The following SLC8A1 variants were observed in gnomAD, a reference collection of about 807,000 sequenced individuals.
The protein encoded by SLC8A1 is solute carrier family 8 member A1.
SLC8A1 carries 18 observed loss-of-function variants against 68.3 expected under a neutral mutation model. The ratio of observed to expected loss-of-function variants is 0.26; its 90% CI spans 0.18 to 0.39. SLC8A1 has a LOEUF of 0.39. Among genes scored for constraint, SLC8A1 ranks in the 10% least tolerant of loss-of-function variants. The pLI, the probability that SLC8A1 is intolerant of heterozygous loss-of-function variation, is 1.00. For synonymous variants in SLC8A1, 475 were observed against 415.5 expected (o/e 1.14, Z -1.74); for missense variants, 985 against 1,156.7 (o/e 0.85, Z 2.15).
chr2:40,249,308 T>G (rs2062370565), intron 2 of SLC8A1, among the ~76,000 whole-genome samples: 1 of 152,216 alleles, frequency 6.6e-6, no homozygotes, highest in South Asian at 2.1e-4. Context: ...GTATATACTT[T>G]CAAAACCTTT....
intron 2 of SLC8A1, among the ~76,000 whole-genome samples, chr2:40,271,342 G>A (rs192267336): frequency 1.5e-4 from 23 of 151,946 alleles, no homozygotes; most frequent in East Asian, 9.7e-4. Context: ...CTTGTGTCTC[G>A]GCTCCTGTTT....
rs10685960 is a variant in SLC8A1 at position 40,259,017 on chromosome 2, C to CATACT, written c.1809-81163_1809-81162insAGTAT. Among the ~76,000 whole-genome samples, 5 of 151,714 alleles carry CATACT rather than the reference C, an allele frequency of 3.3e-5. 1 individual carries two copies. Among genetic ancestry groups the CATACT allele is most frequent in the Admixed American group, 2.0e-4 (3 of 15,244 alleles). ...AGATTAATTACTATAAATTGTGAGA[C>CATACT]ATAAAGAGACCTCAGAGATGCTGAG... On this transcript the variant is annotated intron_variant, in intron 2 of 7. Transcript: ENST00000406785.
intron 2 of SLC8A1, among the ~76,000 whole-genome samples, chr2:40,366,178 T>G (rs1360349919): frequency 1.3e-5 from 2 of 151,996 alleles, no homozygotes; most frequent in East Asian, 3.9e-4. Context: ...AAGGGCACTG[T>G]CAAATGGGCT....
chr2:40,195,412 C>T lies in SLC8A1; in HGVS notation c.1809-17557G>A, dbSNP rs980252329. Among the ~76,000 whole-genome samples, 4 of 151,768 alleles carry T rather than the reference C, an allele frequency of 2.6e-5. No individual in the cohort carries two copies. The South Asian group carries it at 6.3e-4, about 24-fold the overall frequency. On this transcript the variant is annotated intron_variant, in intron 2 of 7. Coordinates refer to ENST00000406785, the Ensembl canonical transcript of SLC8A1. ...GTGAAGTTCCTCCTGCTTAAGGTCA[C>T]GGTGGAGTGGGGCTGAGAAAATTGG... is the stretch of plus-strand genomic sequence containing the variant.
At chr2:40,243,028 A>T (rs2148975143) in intron 2 of SLC8A1, among the ~76,000 whole-genome samples, 1 of 152,334 alleles carries the variant, frequency 6.6e-6, no homozygotes, top group East Asian at 1.9e-4. Flanking sequence ...TTCCTTCACC[A>T]AACGTGGATA....
At chr2:40,166,740 T>G (rs939192563) in intron 4 of SLC8A1, among the ~76,000 whole-genome samples, 2 of 152,226 alleles carry the variant, frequency 1.3e-5, no homozygotes, top group Admixed American at 1.3e-4. Context: ...TGATTACCAC[T>G]GCTTTGTGAT....
At chr2:40,352,493 C>G (rs1671404390) in intron 2 of SLC8A1, among the ~76,000 whole-genome samples, 1 of 152,078 alleles carries the variant, frequency 6.6e-6, no homozygotes, top group Non-Finnish European at 1.5e-5. Flanking sequence ...TTCAAAGAAG[C>G]CTGTGAGTCA....
At chr2:40,427,225 G>C (rs930875758) in intron 2 of SLC8A1, among the ~76,000 whole-genome samples, 1 of 151,870 alleles carries the variant, frequency 6.6e-6, no homozygotes, top group Non-Finnish European at 1.5e-5. Flanking sequence ...ACACTGGAAG[G>C]CTCTCTCAGG....
intron 2 of SLC8A1, among the ~76,000 whole-genome samples, chr2:40,424,766 C>A (rs557366105): frequency 1.3e-4 from 20 of 151,940 alleles, no homozygotes; most frequent in African/African-American, 3.9e-4. Context: ...ATATATAATA[C>A]TAAACGCTCA....
intron 2 of SLC8A1, among the ~76,000 whole-genome samples, chr2:40,347,860 T>C (rs1216025249): frequency 2.0e-5 from 3 of 152,158 alleles, no homozygotes; most frequent in East Asian, 3.8e-4. Context: ...AAATCAACCA[T>C]ATAATTAATA....
chr2:40,375,925 T>C (rs111292581), intron 2 of SLC8A1, among the ~76,000 whole-genome samples: 4,084 of 152,070 alleles, frequency 0.027, 79 homozygotes, highest in Non-Finnish European at 0.039. Flanking sequence ...CGCTTGAGCT[T>C]AGGAGGCAGA....
At chr2:40,409,480 T>G (rs1691439299) in intron 2 of SLC8A1, among the ~76,000 whole-genome samples, 1 of 152,072 alleles carries the variant, frequency 6.6e-6, no homozygotes, top group Non-Finnish European at 1.5e-5. Context: ...ATTCTTAAAT[T>G]CACAAATAAT....
chr2:40,144,667 G>T (rs776180022), intron 6 of SLC8A1, among the ~76,000 whole-genome samples: 10 of 151,582 alleles, frequency 6.6e-5, no homozygotes, highest in Non-Finnish European at 1.3e-4. Context: ...TATTTCTTTG[G>T]CAGAGCCAGC....
At chr2:40,133,391 T>TG (rs3059301) in intron 7 of SLC8A1, among the ~76,000 whole-genome samples, 47 of 144,484 alleles carry the variant, frequency 3.3e-4, no homozygotes, top group African/African-American at 1.1e-3. Context: ...TATACAAAAT[T>TG]GGGGGGGGGG....
At chr2:40,234,226 C>T (rs1341803350) in intron 2 of SLC8A1, among the ~76,000 whole-genome samples, 3 of 151,994 alleles carry the variant, frequency 2.0e-5, no homozygotes, top group Non-Finnish European at 4.4e-5. Flanking sequence ...TCTTCCTACC[C>T]ATGAGCATGG....
chr2:40,390,272 T>A (rs781712161), intron 2 of SLC8A1, among the ~76,000 whole-genome samples: 3 of 152,128 alleles, frequency 2.0e-5, no homozygotes, highest in African/African-American at 4.8e-5. Flanking sequence ...CAGCTTGCAA[T>A]TGTCACTTGG....
chr2:40,359,152 G>A (rs906359803), intron 2 of SLC8A1, among the ~76,000 whole-genome samples: 1 of 152,116 alleles, frequency 6.6e-6, no homozygotes, highest in African/African-American at 2.4e-5. Context: ...CACTTGAAAT[G>A]GGGCTAGTTC....
intron 2 of SLC8A1, among the ~76,000 whole-genome samples, chr2:40,226,703 T>C (rs938761321): frequency 6.6e-6 from 1 of 152,186 alleles, no homozygotes; most frequent in East Asian, 1.9e-4. Flanking sequence ...CTTTGACTAA[T>C]GTGTACACAC....
intron 1 of SLC8A1, among the ~76,000 whole-genome samples, chr2:40,433,648 G>C (rs1698819001): frequency 6.6e-6 from 1 of 152,158 alleles, no homozygotes; most frequent in Admixed American, 6.5e-5. Context: ...TTGGAGGTTG[G>C]ATAACTGAGG....
Sources: gnomAD v4.1 joint callset for allele counts (sites outside exome capture counted in the v4.1 genomes callset) on GRCh38, gnomAD v4.1.1 for gene constraint, MANE v1.5 for transcripts, NCBI Gene and HGNC (gene_info 2026-07-23, HGNC 2026-07-21) for gene names.